Variants in DIAPH2 observed in about 807,000 individuals in gnomAD.
DIAPH2 encodes diaphanous related formin 2.
DIAPH2 carries 35 observed loss-of-function variants against 92.7 expected under a neutral mutation model. The ratio of observed to expected loss-of-function variants is 0.38; its 90% CI spans 0.29 to 0.50. The LOEUF is 0.50. Among genes scored for constraint, DIAPH2 ranks in the 20% least tolerant of loss-of-function variants. The probability of loss-of-function intolerance (pLI) is 0.94; values close to 1 mark genes in which losing one functional copy is unlikely to be tolerated. For synonymous variants in DIAPH2, 301 were observed against 280.4 expected, an observed-to-expected ratio of 1.07 and a Z score of -0.73; for missense variants, 701 against 819.5, an observed-to-expected ratio of 0.86 and a Z score of 1.77.
rs777150591 is a variant in DIAPH2, at chrX:96,802,332, A to G, written c.447+44074A>G. Among the ~76,000 whole-genome samples the G allele has an allele frequency of 1.3e-3, 145 of 112,437 alleles. 1 individual carries two copies. The highest frequency in any genetic ancestry group is 4.2e-3 in the African/African-American group (131 of 31,010). Reference sequence around the variant, plus strand: ...TAAAACAAAAACATCAATAGATGATATGCAAATGAATGTGATTTTGCTCTA... The same window carrying G: ...TAAAACAAAAACATCAATAGATGATGTGCAAATGAATGTGATTTTGCTCTA... On this transcript the variant is annotated intron_variant, in intron 4 of 26. Coordinates refer to ENST00000324765, the MANE Select transcript of DIAPH2 (RefSeq NM_006729.5).
intron 17 of DIAPH2, among the ~76,000 whole-genome samples, chrX:97,052,355 T>G (rs752990240): frequency 4.6e-4 from 51 of 110,822 alleles, no homozygotes; most frequent in Non-Finnish European, 7.9e-4. Context: ...CAGGCAATAG[T>G]AGGTATATAA....
chrX:97,004,105 T>C (rs1440361286), intron 17 of DIAPH2, among the ~76,000 whole-genome samples: 1 of 111,864 alleles, frequency 8.9e-6, no homozygotes, highest in Non-Finnish European at 1.9e-5. Context: ...TGTAGATGCA[T>C]GGATTTCTTT....
intron 17 of DIAPH2, among the ~76,000 whole-genome samples, chrX:96,966,054 T>C (rs1008658513): frequency 6.3e-5 from 7 of 111,571 alleles, no homozygotes. Flanking sequence ...TGCCTTAGAA[T>C]ATGAGAATAT....
chrX:96,695,892 CCTCA>C (rs1357267171), intron 1 of DIAPH2, among the ~76,000 whole-genome samples: 1 of 111,600 alleles, frequency 9.0e-6, no homozygotes, highest in Non-Finnish European at 1.9e-5. Context: ...CATTTCCTAT[CCTCA>C]CTCATCACCA....
chrX:97,230,556 T>G (rs1016295054), intron 22 of DIAPH2, among the ~76,000 whole-genome samples: 2 of 111,856 alleles, frequency 1.8e-5, no homozygotes, highest in Non-Finnish European at 3.8e-5. Flanking sequence ...CCCATTTGTA[T>G]GTTTTGTTTT....
chrX:97,233,104 C>T (rs1180238736), intron 22 of DIAPH2, among the ~76,000 whole-genome samples: 1 of 112,166 alleles, frequency 8.9e-6, no homozygotes, highest in African/African-American at 3.2e-5. Context: ...GGGGCAAAGA[C>T]AGTGGTTTGT....
intron 24 of DIAPH2, among the ~76,000 whole-genome samples, chrX:97,375,250 G>A (rs1390462969): frequency 9.0e-6 from 1 of 111,231 alleles, no homozygotes; most frequent in Non-Finnish European, 1.9e-5. Context: ...GAGATCAGCA[G>A]TTTGAGACCA....
At chrX:96,912,047 T>A (rs998665661) in intron 5 of DIAPH2, among the ~76,000 whole-genome samples, 2 of 111,287 alleles carry the variant, frequency 1.8e-5, no homozygotes, top group Admixed American at 9.6e-5. Context: ...GGAAGATGAA[T>A]TCAGCTTGTG....
At chrX:97,246,482 A>T (rs1481855834) in intron 22 of DIAPH2, among the ~76,000 whole-genome samples, 1 of 112,007 alleles carries the variant, frequency 8.9e-6, no homozygotes, top group Non-Finnish European at 1.9e-5. Flanking sequence ...ATTTAAACTG[A>T]CAGATTAATA....
intron 17 of DIAPH2, among the ~76,000 whole-genome samples, chrX:97,040,581 T>G (rs1602739725): frequency 9.0e-6 from 1 of 111,131 alleles, no homozygotes; most frequent in East Asian, 2.8e-4. Flanking sequence ...GGAGGCGCTT[T>G]TGCACTGCTA....
At chrX:96,767,663 T>G (rs1277290554) in intron 4 of DIAPH2, among the ~76,000 whole-genome samples, 1 of 111,206 alleles carries the variant, frequency 9.0e-6, no homozygotes, top group East Asian at 2.8e-4. Context: ...GTTCAAGATG[T>G]TTGCTATTTG....
At chrX:97,426,927 A>G (rs944668878) in intron 25 of DIAPH2, among the ~76,000 whole-genome samples, 1 of 111,346 alleles carries the variant, frequency 9.0e-6, no homozygotes, top group African/African-American at 3.3e-5. Flanking sequence ...CTGAAATCCC[A>G]GCACTTTGGG....
At chrX:96,856,156 G>A (rs988799394) in intron 4 of DIAPH2, among the ~76,000 whole-genome samples, 5 of 111,775 alleles carry the variant, frequency 4.5e-5, no homozygotes, top group Non-Finnish European at 5.6e-5. Flanking sequence ...TTTATAAGGA[G>A]CCACTATGAT....
intron 26 of DIAPH2, among the ~76,000 whole-genome samples, chrX:97,523,206 C>A (rs2071002826): frequency 9.0e-6 from 1 of 111,535 alleles, no homozygotes; most frequent in African/African-American, 3.3e-5. Flanking sequence ...GTTTTCCTCT[C>A]TTTTGTCCTT....
intron 17 of DIAPH2, among the ~76,000 whole-genome samples, chrX:97,070,662 A>C (rs2066663562): frequency 8.9e-6 from 1 of 111,762 alleles, no homozygotes; most frequent in African/African-American, 3.2e-5. Flanking sequence ...TAGTTAGAGA[A>C]CTGTTCTAAA....
chrX:97,583,528 C>T (rs909803188), intron 26 of DIAPH2, among the ~76,000 whole-genome samples: 75 of 112,284 alleles, frequency 6.7e-4, no homozygotes, highest in Non-Finnish European at 1.2e-3. Context: ...GCAGTCTGCC[C>T]GTTCTCAGAT....
At chrX:97,316,459 G>A (rs1412893795) in intron 23 of DIAPH2, among the ~76,000 whole-genome samples, 2 of 95,742 alleles carry the variant, frequency 2.1e-5, no homozygotes, top group Admixed American at 1.2e-4. Flanking sequence ...GACCAATATG[G>A]TGAAACCCCG....
chrX:97,257,068 T>C lies in DIAPH2; in HGVS notation c.2844+9229T>C, dbSNP rs1037574882. The stretch of plus-strand genomic sequence containing the variant: ...TAATAATCATGTAATCATGCTGTCT[T>C]TTATGTTGCAAATGTAAGATAGGAT... On this transcript the variant is annotated intron_variant, in intron 23 of 26. Transcript: ENST00000324765. Among the ~76,000 whole-genome samples the C allele has an allele frequency of 3.6e-5, 4 of 111,325 alleles. No individual in the cohort carries two copies. The Admixed American group carries it at 3.9e-4, about 11-fold the overall frequency.
At chrX:96,733,640 C>T (rs975469045) in intron 1 of DIAPH2, among the ~76,000 whole-genome samples, 1 of 111,837 alleles carries the variant, frequency 8.9e-6, no homozygotes, top group African/African-American at 3.2e-5. Flanking sequence ...CACAGTATCA[C>T]TTTGTCAGCT....
Sources: gnomAD v4.1 joint callset for allele counts (sites outside exome capture counted in the v4.1 genomes callset) on GRCh38, gnomAD v4.1.1 for gene constraint, MANE v1.5 for transcripts, NCBI Gene and HGNC (gene_info 2026-07-23, HGNC 2026-07-21) for gene names.